GAK: variants seen among roughly 807,000 people sequenced by gnomAD.
GAK encodes cyclin-G-associated kinase.
A neutral mutation model predicts 143.9 loss-of-function variants in GAK; 79 were observed. That is an observed-to-expected ratio of 0.55 (90% CI 0.46 to 0.66). GAK has a LOEUF of 0.66. Among genes scored for constraint, GAK ranks in the 30% least tolerant of loss-of-function variants. The pLI, the probability that GAK is intolerant of heterozygous loss-of-function variation, is 0.00. For synonymous variants in GAK, 881 were observed against 765.5 expected (o/e 1.15, Z -2.49); for missense variants, 1,693 against 1,779.7 (o/e 0.95, Z 0.88).
Position 882,744 on chromosome 4 carries a change from C to CGTGCAT in GAK, c.1474_1479dup (p.Met492_His493dup). On this transcript the variant is annotated inframe_insertion, in exon 14 of 28. Transcript: ENST00000314167. ...TTCTTGTGGTCCTGCCGCAGCCAGG[C>CGTGCAT]GTGCATGTTCCTGCAGATGTTGTAC... is the stretch of plus-strand genomic sequence containing the variant. 6.2e-7 allele frequency: 1 copy of CGTGCAT among 1,612,616 alleles called. No individual in the cohort carries two copies. The highest frequency in any genetic ancestry group is 8.5e-7 in the Non-Finnish European group (1 of 1,179,964).
At position 867,379 on chromosome 4, in the gene GAK, A is replaced by G; in HGVS notation, c.2449T>C (p.Ser817Pro). The change falls in exon 21 of 28, where the codon TCT becomes CCT. Residue 817 changes from serine (S) to proline (P), a missense_variant. Physicochemically the swap from Ser to Pro is moderately conservative, Grantham distance 74. Around this residue, in one of 2 missense-constraint regions of GAK, gnomAD observed 822 missense variants for 788.7 expected, o/e 1.04. Transcript: ENST00000314167. ...TCGTCTCTGTCCTCCATCAGGGCAGACTCGCTCTCCTTGGAAGAGGCATTT... is the reference window on the plus strand; with the variant it reads ...TCGTCTCTGTCCTCCATCAGGGCAGGCTCGCTCTCCTTGGAAGAGGCATTT... ...AENASSKESE[S>P]ALMEDRDESE... The G allele has an allele frequency of 6.4e-7, 1 of 1,573,168 alleles. No homozygotes were observed. The highest frequency in any genetic ancestry group is 8.6e-7 in the Non-Finnish European group (1 of 1,156,092).
At chr4:893,330 T>A in intron 9 of GAK, 47 bp downstream of exon 9, 1 of 1,349,090 alleles carries the variant, frequency 7.4e-7, no homozygotes, top group Non-Finnish European at 1.0e-6. Context: ...CATGTGTGCC[T>A]CCTTCACCAC....
chr4:891,980 G>A (rs1717763252), intron 9 of GAK, among the ~76,000 whole-genome samples: 1 of 152,158 alleles, frequency 6.6e-6, no homozygotes. Flanking sequence ...CACCCACCAT[G>A]ATGGCCGCCA....
At chr4:912,234 G>A in intron 3 of GAK, 1 of 444,992 alleles carries the variant, frequency 2.2e-6, no homozygotes, top group South Asian at 1.6e-5. Flanking sequence ...TCCAGGCTCA[G>A]GAGGGACATG....
chr4:909,856 C>A (rs1198539005), intron 4 of GAK, among the ~76,000 whole-genome samples: 1 of 152,186 alleles, frequency 6.6e-6, no homozygotes, highest in African/African-American at 2.4e-5. Context: ...GAAACACAAG[C>A]GGCACATCCC....
At chr4:864,412 T>G (rs1007808031) in intron 23 of GAK, among the ~76,000 whole-genome samples, 6 of 152,174 alleles carry the variant, frequency 3.9e-5, no homozygotes, top group African/African-American at 9.7e-5. Flanking sequence ...TTAACTCTTA[T>G]GCTTACTGGG....
At chr4:849,831 A>AGGTGGGGGGGG in intron 27 of GAK, 57 bp from the exon 28 acceptor site, 1 of 999,052 alleles carries the variant, frequency 1.0e-6, no homozygotes, top group Non-Finnish European at 1.4e-6. Flanking sequence ...CGGGCGGGGC[A>AGGTGGGGGGGG]GGACCCCCCC....
At chr4:856,290 T>C (rs1282896548) in intron 24 of GAK, among the ~76,000 whole-genome samples, 1 of 131,270 alleles carries the variant, frequency 7.6e-6, no homozygotes, top group Admixed American at 7.6e-5. Context: ...TCACCACAGC[T>C]GCTCACCCCT....
chr4:902,235 TAAA>T (rs77844745), intron 5 of GAK, among the ~76,000 whole-genome samples: 2 of 100,746 alleles, frequency 2.0e-5, no homozygotes, highest in Non-Finnish European at 2.1e-5. Flanking sequence ...AGACTCCGCC[TAAA>T]AAAAAAAAAA....
intron 1 of GAK, among the ~76,000 whole-genome samples, chr4:930,831 T>C (rs1435486832): frequency 2.6e-5 from 4 of 152,142 alleles, no homozygotes; most frequent in African/African-American, 7.2e-5. Flanking sequence ...TGTGTGATAA[T>C]GCTACAGTCA....
At chr4:878,674 C>T (rs1714487215) in intron 15 of GAK, among the ~76,000 whole-genome samples, 1 of 152,196 alleles carries the variant, frequency 6.6e-6, no homozygotes, top group South Asian at 2.1e-4. Flanking sequence ...TCTGGTTCTC[C>T]TTTCAATTTG....
chr4:892,780 A>G (rs1481025849), intron 9 of GAK, among the ~76,000 whole-genome samples: 1 of 152,228 alleles, frequency 6.6e-6, no homozygotes, highest in East Asian at 1.9e-4. Flanking sequence ...GACCCCAGAA[A>G]CAAAGACACA....
At position 849,983 on chromosome 4, in the gene GAK, C is replaced by A; in HGVS notation, c.3743G>T (p.Arg1248Leu). The A allele has an allele frequency of 6.2e-7, 1 of 1,611,486 alleles. No homozygotes were observed. Among genetic ancestry groups the A allele is most frequent in the East Asian group, 2.2e-5 (1 of 44,794 alleles). ...GTCGGCCATGCCCACGGGCGTCCAG[C>A]GGCTCTCCCCGTCCCACAGCACTGT... ...LHTVLWDGES[R>L]WTPVGMADLV... Residue 1248 changes from arginine to leucine, a missense_variant, in exon 27 of 28, where the codon CGC becomes CTC. This residue lies in a region of GAK where 822 missense variants were observed against 788.7 expected (regional missense o/e 1.04). Transcript: ENST00000314167.
At chr4:883,216 A>G in intron 13 of GAK, 99 bp downstream of exon 13, 1 of 1,441,184 alleles carries the variant, frequency 6.9e-7, no homozygotes, top group Non-Finnish European at 9.4e-7. Flanking sequence ...GGCCGCCCCC[A>G]TCACAGCCCC....
intron 14 of GAK, 131 bp downstream of exon 14, chr4:882,566 G>A: frequency 8.4e-7 from 1 of 1,188,378 alleles, no homozygotes. Context: ...ACCAAGCACA[G>A]GGACTTTCTT....
chr4:849,833 G>GGGGGGGGGGCGGGCCC, intron 27 of GAK, 59 bp from the exon 28 acceptor site: 1 of 1,190,156 alleles, frequency 8.4e-7, no homozygotes, highest in Middle Eastern at 2.3e-4. Context: ...GGCGGGGCAG[G>GGGGGGGGGGCGGGCCC]ACCCCCCCCC....
intron 5 of GAK, among the ~76,000 whole-genome samples, chr4:904,133 T>C (rs976940230): frequency 6.8e-6 from 1 of 147,890 alleles, no homozygotes; most frequent in African/African-American, 2.5e-5. Flanking sequence ...CACTACCTTG[T>C]GGTCCCTGTG....
In GAK at chr4:876,621, G is replaced by A; in HGVS notation, c.1975-12C>T. On this transcript the variant is annotated splice_polypyrimidine_tract_variant and intron_variant, in intron 17 of 27. Transcript: ENST00000314167. ...TTCATGGATGCCATCTGCAAAGAGAGCAAACACGACACCCCACGTGGAGGG... is the reference window on the plus strand; with the variant it reads ...TTCATGGATGCCATCTGCAAAGAGAACAAACACGACACCCCACGTGGAGGG... 1 of 1,612,860 alleles carries A rather than the reference G, an allele frequency of 6.2e-7. No individual in the cohort carries two copies. The highest frequency in any genetic ancestry group is 8.5e-7 in the Non-Finnish European group (1 of 1,178,888).
chr4:869,284 A>G (rs1312996992), intron 19 of GAK: 8 of 152,786 alleles, frequency 5.2e-5, no homozygotes, highest in Non-Finnish European at 8.7e-5. Context: ...CAGCACACAC[A>G]CAGATGCACA....
Sources: gnomAD v4.1 joint callset for allele counts (sites outside exome capture counted in the v4.1 genomes callset) on GRCh38, gnomAD v4.1.1 for gene constraint, gnomAD v4.1.1 regional missense constraint, MANE v1.5 for transcripts, NCBI Gene and HGNC (gene_info 2026-07-23, HGNC 2026-07-21) for gene names.